Variants in WDPCP observed in about 807,000 individuals in gnomAD.
WDPCP encodes the protein WD repeat containing planar cell polarity effector.
Under a neutral mutation model 93.1 loss-of-function variants are expected in WDPCP, and 71 were observed. The observed-to-expected ratio is 0.76, with a 90% CI of 0.63 to 0.93. The LOEUF (loss-of-function observed/expected upper bound fraction) is 0.93, where lower values mean the gene tolerates loss of function less well. WDPCP is among the 40% of genes least tolerant of loss of function. The probability of loss-of-function intolerance (pLI) is 0.00; values close to 1 mark genes in which losing one functional copy is unlikely to be tolerated. For synonymous variants in WDPCP, 315 were observed against 315.0 expected, an observed-to-expected ratio of 1.00 and a Z score of 0.00; for missense variants, 844 against 887.4, an observed-to-expected ratio of 0.95 and a Z score of 0.62.
At chr2:63,229,209 T>C (rs1227445326) in intron 14 of WDPCP, 5 of 152,192 alleles carry the variant, frequency 3.3e-5, no homozygotes, top group East Asian at 1.9e-4. Flanking sequence ...TTTCATGTGT[T>C]TTTTGGCTGC....
chr2:63,650,061 C>A (rs1053839955), intron 3 of WDPCP, among the ~76,000 whole-genome samples: 2 of 152,200 alleles, frequency 1.3e-5, no homozygotes, highest in African/African-American at 4.8e-5. Flanking sequence ...AAGAATCCAG[C>A]AGAGGCTGTG....
the WDPCP span, among the ~76,000 whole-genome samples, chr2:63,833,612 T>C: frequency 6.6e-6 from 1 of 152,228 alleles, no homozygotes; most frequent in South Asian, 2.1e-4. Context: ...ATGTAATATA[T>C]AGCATACCTA....
At chr2:63,714,055 CTTTTT>C (rs747120283) in intron 2 of WDPCP, among the ~76,000 whole-genome samples, 2 of 135,092 alleles carry the variant, frequency 1.5e-5, no homozygotes, top group Non-Finnish European at 1.6e-5. Context: ...CTTTTTTATT[CTTTTT>C]TTTTTTTTTT....
intron 9 of WDPCP, among the ~76,000 whole-genome samples, chr2:63,430,868 G>A (rs913417431): frequency 2.6e-5 from 4 of 152,200 alleles, no homozygotes; most frequent in Non-Finnish European, 5.9e-5. Flanking sequence ...GTGACAGAGC[G>A]AGACTACGTC....
intron 12 of WDPCP, among the ~76,000 whole-genome samples, chr2:63,340,768 T>C (rs1185896933): frequency 6.6e-6 from 1 of 152,092 alleles, no homozygotes; most frequent in Non-Finnish European, 1.5e-5. Flanking sequence ...GAGTTCTGGG[T>C]TGTTGTTGGT....
chr2:63,532,382 G>A (rs1703923323), intron 1 of WDPCP, among the ~76,000 whole-genome samples: 1 of 152,122 alleles, frequency 6.6e-6, no homozygotes, highest in Admixed American at 6.6e-5. Context: ...TACTCCTCAA[G>A]AAGAGCAACC....
chr2:63,828,877 T>C (rs1181329217), upstream of WDPCP, among the ~76,000 whole-genome samples: 1 of 152,192 alleles, frequency 6.6e-6, no homozygotes, highest in Non-Finnish European at 1.5e-5. Context: ...TTTTTCTATT[T>C]TGCTAAGCAA....
chr2:63,575,535 CACTGTATATATAGTATATACAGTATATAT>C lies in WDPCP; in HGVS notation c.75+12633_75+12661del, dbSNP rs1435339452. 3.8e-3 allele frequency among the ~76,000 whole-genome samples: 520 copies of C among 136,924 alleles called. 6 individuals carry two copies. The highest frequency in any genetic ancestry group is 8.2e-3 in the Middle Eastern group (1 of 122). The allele number at this position is 136,924 out of a possible 152,430, so 89.8% of individuals were successfully genotyped here. ...GTATATATAGTATATACAGTATATACACTGTATATATAGTATATACAGTATATATACTATATAACTAAAGATCTCTTATT... is the reference window on the plus strand; with the variant it reads ...GTATATATAGTATATACAGTATATACACTATATAACTAAAGATCTCTTATT... On this transcript the variant is annotated intron_variant, in intron 1 of 17. Transcript: ENST00000272321.
intron 2 of WDPCP, among the ~76,000 whole-genome samples, chr2:63,700,314 AAAAG>A (rs1669028909): frequency 6.6e-6 from 1 of 151,414 alleles, no homozygotes; most frequent in Non-Finnish European, 1.5e-5. Flanking sequence ...CAAAAAGAAA[AAAAG>A]AAAAAAATGC....
chr2:63,759,899 A>G (rs1054530500), intron 2 of WDPCP, among the ~76,000 whole-genome samples: 1 of 152,222 alleles, frequency 6.6e-6, no homozygotes, highest in Non-Finnish European at 1.5e-5. Context: ...TACAGGATGA[A>G]GATGGCACTG....
chr2:63,509,269 A>G (rs142462656), intron 1 of WDPCP, among the ~76,000 whole-genome samples: 2,495 of 152,342 alleles, frequency 0.016, 80 homozygotes, highest in African/African-American at 0.057. Flanking sequence ...AGAACTCAGG[A>G]TTAAGAAACT....
intron 13 of WDPCP, among the ~76,000 whole-genome samples, chr2:63,273,102 GA>G (rs991690302): frequency 6.6e-6 from 1 of 151,472 alleles, no homozygotes; most frequent in Non-Finnish European, 1.5e-5. Flanking sequence ...ACTACTGAAA[GA>G]AAAAAAACAT....
At chr2:63,304,466 G>A (rs1238360207) in intron 13 of WDPCP, among the ~76,000 whole-genome samples, 2 of 152,222 alleles carry the variant, frequency 1.3e-5, no homozygotes, top group African/African-American at 4.8e-5. Flanking sequence ...CGCCTCACAT[G>A]GGAAGCACAA....
At chr2:63,321,725 C>A (rs572759768) in intron 12 of WDPCP, among the ~76,000 whole-genome samples, 1 of 152,022 alleles carries the variant, frequency 6.6e-6, no homozygotes. Flanking sequence ...ATATAATAAT[C>A]CCTGCTTAGT....
At chr2:63,643,347 A>G in intron 3 of WDPCP, 2 of 385,704 alleles carry the variant, frequency 5.2e-6, no homozygotes, top group Non-Finnish European at 9.9e-6. Context: ...CTCAGGGAGG[A>G]GAAGTTCATG....
At chr2:63,480,855 G>A (rs1348671775) in intron 6 of WDPCP, among the ~76,000 whole-genome samples, 1 of 152,038 alleles carries the variant, frequency 6.6e-6, no homozygotes, top group African/African-American at 2.4e-5. Context: ...GAACCCAAAA[G>A]CAAATGCAAT....
chr2:63,840,086 T>C, the WDPCP span, among the ~76,000 whole-genome samples: 34 of 152,392 alleles, frequency 2.2e-4, 1 homozygote, highest in East Asian at 5.0e-3. Context: ...TCTTCTGTAA[T>C]TACCGTACTT....
At chr2:63,761,671 A>G (rs527324124) in intron 2 of WDPCP, among the ~76,000 whole-genome samples, 149 of 151,962 alleles carry the variant, frequency 9.8e-4, no homozygotes, top group African/African-American at 3.5e-3. Flanking sequence ...CTCTTTTCAC[A>G]TTTTTCTGCC....
intron 1 of WDPCP, among the ~76,000 whole-genome samples, chr2:63,520,143 G>A (rs968506844): frequency 1.3e-5 from 2 of 152,116 alleles, no homozygotes; most frequent in Non-Finnish European, 2.9e-5. Flanking sequence ...CTCAGAGCTT[G>A]AAGACTGGTT....
Sources: allele counts gnomAD v4.1 joint callset (sites outside exome capture counted in the v4.1 genomes callset), GRCh38; gene constraint gnomAD v4.1.1; transcripts MANE v1.5; gene names NCBI Gene and HGNC (gene_info 2026-07-23, HGNC 2026-07-21).